PPP2R1B: variants seen among roughly 807,000 people sequenced by gnomAD.
PPP2R1B encodes the protein protein phosphatase 2 scaffold subunit Abeta.
In PPP2R1B, 58 loss-of-function variants were observed where a neutral mutation model predicts 72.7. That is an observed-to-expected ratio of 0.80 (90% CI 0.65 to 0.99). The LOEUF is 0.99. PPP2R1B is among the 50% of genes least tolerant of loss of function. The pLI is 0.00. For synonymous variants in PPP2R1B, 256 were observed against 264.6 expected, an observed-to-expected ratio of 0.97 and a Z score of 0.32; for missense variants, 695 against 733.6, an observed-to-expected ratio of 0.95 and a Z score of 0.61.
At chr11:111,763,501 G>A (rs1555051964) in intron 3 of PPP2R1B, among the ~76,000 whole-genome samples, 1 of 152,204 alleles carries the variant, frequency 6.6e-6, no homozygotes, top group Non-Finnish European at 1.5e-5. Flanking sequence ...GGAAAGCATT[G>A]CTAGGAAGCT....
At chr11:111,750,869 T>C (rs1313384890) in intron 10 of PPP2R1B, among the ~76,000 whole-genome samples, 5 of 152,076 alleles carry the variant, frequency 3.3e-5, no homozygotes, top group African/African-American at 1.2e-4. Flanking sequence ...CACAAAGTTT[T>C]ACTCTGTTGC....
At chr11:111,754,768 A>T (rs1302559209) in intron 7 of PPP2R1B, among the ~76,000 whole-genome samples, 199 bp from the exon 8 acceptor site, 2 of 148,144 alleles carry the variant, frequency 1.4e-5, no homozygotes, top group African/African-American at 4.9e-5. Context: ...CCTGAAAGGC[A>T]TTTTTTTTTT....
intron 5 of PPP2R1B, among the ~76,000 whole-genome samples, 192 bp from the exon 6 acceptor site, chr11:111,755,642 T>A (rs1054653781): frequency 6.7e-6 from 1 of 149,340 alleles, no homozygotes; most frequent in Admixed American, 6.8e-5. Flanking sequence ...CAGATTGGAG[T>A]GCAGTGGCAC....
intron 11 of PPP2R1B, among the ~76,000 whole-genome samples, chr11:111,744,211 T>C (rs772348787): frequency 5.9e-5 from 9 of 152,212 alleles, no homozygotes; most frequent in Non-Finnish European, 1.0e-4. Flanking sequence ...TAAAGCAAAC[T>C]TGTGACCTGA....
chr11:111,692,255 G>T, the PPP2R1B span, among the ~76,000 whole-genome samples: 1 of 148,750 alleles, frequency 6.7e-6, no homozygotes. Flanking sequence ...GGAGGCTGAG[G>T]CAGGAGAATT....
chr11:111,751,494 G>A (rs1565455106), intron 10 of PPP2R1B, among the ~76,000 whole-genome samples: 1 of 152,064 alleles, frequency 6.6e-6, no homozygotes, highest in Non-Finnish European at 1.5e-5. Flanking sequence ...AAAACTTTTT[G>A]AGCACTGATA....
intron 10 of PPP2R1B, among the ~76,000 whole-genome samples, chr11:111,749,650 TA>T (rs2136069161): frequency 6.6e-6 from 1 of 152,302 alleles, no homozygotes; most frequent in East Asian, 1.9e-4. Context: ...AGGTCATACA[TA>T]AAGTCTTGAG....
downstream of PPP2R1B, among the ~76,000 whole-genome samples, chr11:111,737,018 A>G (rs539022538): frequency 6.6e-6 from 1 of 152,326 alleles, no homozygotes; most frequent in African/African-American, 2.4e-5. Context: ...CTGAGCTGTT[A>G]CAGAGAAACT....
chr11:111,688,792 T>C, the PPP2R1B span, among the ~76,000 whole-genome samples: 4 of 152,220 alleles, frequency 2.6e-5, no homozygotes, highest in South Asian at 8.3e-4. This position sits in a 1 kb window ranked among gnomAD's most constrained non-coding sequence, Gnocchi z 4.2. Context: ...TCAGGTACTG[T>C]GCTATGTTAA....
In PPP2R1B at chr11:111,765,375, T is replaced by TG. The variant is rs782216492; in HGVS notation, c.123dup (p.Asn42GlnfsTer4). The TG allele has an allele frequency of 1.2e-6, 2 of 1,611,188 alleles. No individual in the cohort carries two copies. The highest frequency in any genetic ancestry group is 1.7e-6 in the Non-Finnish European group (2 of 1,178,494). On this transcript the variant is annotated frameshift_variant, in exon 2 of 15. Transcript: ENST00000527614. LOFTEE classifies it high-confidence loss of function. ...ATTGTTGATAACTTCTTAATACTGT[T>TG]GAGTCGGAGCTTCAGAAAAGAAAGT...
At chr11:111,765,455 G>C in intron 1 of PPP2R1B, 71 bp from the exon 2 acceptor site, 1 of 1,232,184 alleles carries the variant, frequency 8.1e-7, no homozygotes, top group Admixed American at 2.0e-5. Context: ...GACAAAAGGT[G>C]CTAACAGGTG....
chr11:111,742,794 G>T, intron 12 of PPP2R1B, 129 bp from the exon 13 acceptor site: 1 of 791,064 alleles, frequency 1.3e-6, no homozygotes, highest in Non-Finnish European at 1.8e-6. Context: ...GCAGCTGAGT[G>T]GGGGACACAA....
In PPP2R1B at chr11:111,742,590, G is replaced by C. The variant is rs766155545; in HGVS notation, c.1630C>G (p.Gln544Glu). 6.2e-7 allele frequency: 1 copy of C among 1,613,724 alleles called. No individual in the cohort carries two copies. The highest frequency in any genetic ancestry group is 1.1e-5 in the South Asian group (1 of 91,056). Residue 544 changes from glutamine (Q) to glutamate (E), a missense_variant, in exon 13 of 15, where the codon CAA becomes GAA. Coordinates refer to ENST00000527614, the MANE Select transcript of PPP2R1B (RefSeq NM_002716.5). ...ACATTGAAGCGAACATTTGCTACTT[G>C]GTCTCCTGCCATTTTTAATACGATG... ...LPIVLKMAGD[Q>E]VANVRFNVAK...
the PPP2R1B span, among the ~76,000 whole-genome samples, chr11:111,702,269 C>T: frequency 1.3e-5 from 2 of 152,130 alleles, no homozygotes; most frequent in South Asian, 2.1e-4. Flanking sequence ...ACCTACCGCA[C>T]GGGTGTTGTA....
chr11:111,720,579 C>A, the PPP2R1B span: 3 of 1,614,084 alleles, frequency 1.9e-6, no homozygotes, highest in South Asian at 1.1e-5. Context: ...GGAAGACAAC[C>A]CTTCCCTTAA....
the PPP2R1B span, chr11:111,721,001 C>T: frequency 2.5e-6 from 4 of 1,614,190 alleles, no homozygotes; most frequent in Non-Finnish European, 2.5e-6. Context: ...GGACCGGAGG[C>T]AGACCCTAAC....
At chr11:111,713,446 G>A in the PPP2R1B span, among the ~76,000 whole-genome samples, 406 of 150,938 alleles carry the variant, frequency 2.7e-3, 2 homozygotes, top group African/African-American at 9.7e-3. Context: ...TTATATAAAA[G>A]GAGAACACCA....
At chr11:111,749,835 C>T (rs1291187856) in intron 10 of PPP2R1B, among the ~76,000 whole-genome samples, 1 of 152,196 alleles carries the variant, frequency 6.6e-6, no homozygotes, top group African/African-American at 2.4e-5. Flanking sequence ...GCCTTGCTTT[C>T]ACACTGCTCT....
intron 9 of PPP2R1B, 97 bp downstream of exon 9, chr11:111,753,346 T>C: frequency 1.4e-6 from 2 of 1,448,898 alleles, no homozygotes; most frequent in Non-Finnish European, 1.9e-6. Flanking sequence ...TTTTTATCCA[T>C]TTTCTTTTTG....
Sources: gnomAD v4.1 joint callset for allele counts (sites outside exome capture counted in the v4.1 genomes callset) on GRCh38, gnomAD v4.1.1 for gene constraint, Gnocchi (gnomAD v3.1) non-coding constraint, MANE v1.5 for transcripts, NCBI Gene and HGNC (gene_info 2026-07-23, HGNC 2026-07-21) for gene names.